The following PCDHA12 variants were observed in gnomAD, a reference collection of about 807,000 sequenced individuals.
The protein encoded by PCDHA12 is protocadherin alpha-12.
In PCDHA12, 44 loss-of-function variants were observed where a neutral mutation model predicts 60.0. That is an observed-to-expected ratio of 0.73 (90% CI 0.58 to 0.94). PCDHA12 has a LOEUF of 0.94. Ranked by LOEUF, PCDHA12 falls within the 40% of genes least tolerant of loss-of-function variation. The pLI, the probability that PCDHA12 is intolerant of heterozygous loss-of-function variation, is 0.00. For synonymous variants in PCDHA12, 569 were observed against 553.0 expected, an observed-to-expected ratio of 1.03 and a Z score of -0.40; for missense variants, 1,276 against 1,239.7, an observed-to-expected ratio of 1.03 and a Z score of -0.44.
chr5:140,962,014 G>C (rs2095650512), intron 1 of PCDHA12, among the ~76,000 whole-genome samples: 1 of 151,888 alleles, frequency 6.6e-6, no homozygotes, highest in African/African-American at 2.4e-5. Flanking sequence ...TTCCCGAGTA[G>C]CTGGGACTAC....
chr5:140,985,801 A>G (rs2097171670), intron 3 of PCDHA12, among the ~76,000 whole-genome samples: 1 of 135,588 alleles, frequency 7.4e-6, no homozygotes, highest in Admixed American at 8.6e-5. Flanking sequence ...GTGCAGTGGC[A>G]CGATCTCAGC....
chr5:140,889,831 T>C (rs2062398202), intron 1 of PCDHA12, among the ~76,000 whole-genome samples: 1 of 152,138 alleles, frequency 6.6e-6, no homozygotes, highest in African/African-American at 2.4e-5. Flanking sequence ...AGTCTTACAG[T>C]ATGCTTTGGT....
chr5:140,966,205 CT>C, intron 1 of PCDHA12: 1 of 226,680 alleles, frequency 4.4e-6, no homozygotes. Flanking sequence ...GGCTTGACTG[CT>C]TTTCCCAGAC....
At chr5:140,880,620 A>C (rs2058397773) in intron 1 of PCDHA12, among the ~76,000 whole-genome samples, 1 of 152,170 alleles carries the variant, frequency 6.6e-6, no homozygotes, top group Non-Finnish European at 1.5e-5. Context: ...AAGAGGGAGG[A>C]GTTAATTATC....
At position 140,877,215 on chromosome 5, in the gene PCDHA12, A is replaced by T; in HGVS notation, c.1743A>T (p.Val581=). ...GSAGGAVSEL[V]PRSVGAGHVV... The stretch of plus-strand genomic sequence containing the variant: ...CAGGAGGCGCAGTTAGCGAGTTGGT[A>T]CCGCGGTCGGTGGGTGCGGGCCACG... The change falls in exon 1 of 4, where the codon GTA becomes GTT. Residue 581 remains valine, a synonymous_variant. Coordinates refer to ENST00000398631, the MANE Select transcript of PCDHA12 (RefSeq NM_018903.4). 1 of 1,613,722 alleles carries T rather than the reference A, an allele frequency of 6.2e-7. No individual in the cohort carries two copies. The highest frequency in any genetic ancestry group is 8.5e-7 in the Non-Finnish European group (1 of 1,179,762).
intron 1 of PCDHA12, among the ~76,000 whole-genome samples, chr5:140,890,993 AT>A (rs2062889744): frequency 6.6e-6 from 1 of 152,134 alleles, no homozygotes; most frequent in Non-Finnish European, 1.5e-5. Flanking sequence ...TTATTTCATC[AT>A]AATTATTGAA....
chr5:140,978,688 G>A (rs1258023605), intron 1 of PCDHA12, among the ~76,000 whole-genome samples: 2 of 152,238 alleles, frequency 1.3e-5, no homozygotes, highest in African/African-American at 4.8e-5. Context: ...TATTGGGCAA[G>A]GCAAAGCCAA....
intron 1 of PCDHA12, among the ~76,000 whole-genome samples, chr5:140,919,974 TAG>T (rs2153555647): frequency 7.5e-6 from 1 of 134,116 alleles, no homozygotes; most frequent in African/African-American, 2.6e-5. Context: ...AAATAAGAGA[TAG>T]AAGATGGAAA....
intron 1 of PCDHA12, among the ~76,000 whole-genome samples, chr5:140,951,795 C>T (rs2094636851): frequency 6.6e-6 from 1 of 152,166 alleles, no homozygotes; most frequent in African/African-American, 2.4e-5. Context: ...ACAATTATCC[C>T]TTCCCAATGG....
In PCDHA12 at chr5:140,877,663, C is replaced by G; in HGVS notation, c.2191C>G (p.Arg731Gly). 2.5e-6 allele frequency: 4 copies of G among 1,613,552 alleles called. No homozygotes were observed. The highest frequency in any genetic ancestry group is 3.4e-6 in the Non-Finnish European group (4 of 1,179,790). The change falls in exon 1 of 4, where the codon CGG becomes GGG. Residue 731 changes from arginine to glycine, a missense_variant. Physicochemically the swap from Arg to Gly is moderately radical, Grantham distance 125. Transcript: ENST00000398631. Reference protein sequence around the residue: ...LRCSAPPTVSRCAPGKPTLVC... With the variant: ...LRCSAPPTVSGCAPGKPTLVC... ...TTGCTCAGCGCCGCCCACCGTGAGCCGGTGCGCGCCGGGCAAGCCCACGCT... is the reference window on the plus strand; with the variant it reads ...TTGCTCAGCGCCGCCCACCGTGAGCGGGTGCGCGCCGGGCAAGCCCACGCT...
chr5:141,000,421 ATTTTT>A (rs34755515), intron 3 of PCDHA12, among the ~76,000 whole-genome samples: 89 of 27,938 alleles, frequency 3.2e-3, no homozygotes, highest in East Asian at 4.2e-3. Flanking sequence ...ATATATATAT[ATTTTT>A]TTTTTTTTTT....
chr5:140,996,217 T>C (rs2097717491), intron 3 of PCDHA12, among the ~76,000 whole-genome samples: 1 of 152,192 alleles, frequency 6.6e-6, no homozygotes, highest in South Asian at 2.1e-4. Context: ...TCACTACTTG[T>C]CTAGAAATGG....
intron 1 of PCDHA12, among the ~76,000 whole-genome samples, chr5:140,971,471 G>A (rs1274091500): frequency 1.3e-5 from 2 of 152,172 alleles, no homozygotes; most frequent in African/African-American, 4.8e-5. Context: ...TATAGGGAGA[G>A]AGTGTCACAT....
intron 1 of PCDHA12, among the ~76,000 whole-genome samples, chr5:140,894,320 G>T (rs191376863): frequency 1.1e-3 from 163 of 152,016 alleles, no homozygotes; most frequent in Non-Finnish European, 1.7e-3. Flanking sequence ...TTAAATTATA[G>T]ATTTTAGTAT....
intron 3 of PCDHA12, among the ~76,000 whole-genome samples, chr5:140,990,307 A>C (rs1409511282): frequency 2.6e-5 from 4 of 152,132 alleles, no homozygotes; most frequent in Non-Finnish European, 5.9e-5. Flanking sequence ...TGTCTGTAAA[A>C]AACCAACCAA....
In PCDHA12 at chr5:140,978,014, A is replaced by C. The variant is rs939579655; in HGVS notation, c.2368-935A>C. ...AGTGTCACAAGTTTTTCACAGTGAC[A>C]TTTTTGCTTACTGATACAAGACAGT... On this transcript the variant is annotated intron_variant, in intron 1 of 3. Transcript: ENST00000398631. Among the ~76,000 whole-genome samples, 9 of 152,256 alleles carry C rather than the reference A, an allele frequency of 5.9e-5. 1 individual carries two copies. The highest frequency in any genetic ancestry group is 2.2e-4 in the African/African-American group (9 of 41,540).
chr5:140,993,406 T>G (rs1382987714), intron 3 of PCDHA12, among the ~76,000 whole-genome samples: 2 of 150,884 alleles, frequency 1.3e-5, no homozygotes, highest in Non-Finnish European at 2.9e-5. Context: ...TTAACCACCT[T>G]CATCAGCATT....
intron 1 of PCDHA12, among the ~76,000 whole-genome samples, chr5:140,935,464 G>A (rs2090388076): frequency 6.6e-6 from 1 of 152,146 alleles, no homozygotes; most frequent in Admixed American, 6.5e-5. Context: ...AGCAGTTTAA[G>A]TTTTTGTCAT....
intron 1 of PCDHA12, among the ~76,000 whole-genome samples, chr5:140,921,194 A>T (rs187774850): frequency 1.3e-5 from 2 of 152,046 alleles, no homozygotes; most frequent in Admixed American, 1.3e-4. Context: ...TTCACAATAG[A>T]TTGACAACGA....
Sources: gnomAD v4.1 joint callset for allele counts (sites outside exome capture counted in the v4.1 genomes callset) on GRCh38, gnomAD v4.1.1 for gene constraint, MANE v1.5 for transcripts, NCBI Gene and HGNC (gene_info 2026-07-23, HGNC 2026-07-21) for gene names.